The following TMTC2 variants were observed in gnomAD, a reference collection of about 807,000 sequenced individuals.
The protein encoded by TMTC2 is transmembrane O-mannosyltransferase targeting cadherins 2.
In TMTC2, 43 loss-of-function variants were observed where a neutral mutation model predicts 82.4. The observed-to-expected ratio is 0.52, with a 90% confidence interval of 0.41 to 0.67. The LOEUF (loss-of-function observed/expected upper bound fraction) is 0.67, where lower values mean the gene tolerates loss of function less well. Ranked by LOEUF, TMTC2 falls within the 30% of genes least tolerant of loss-of-function variation. The probability of loss-of-function intolerance (pLI) is 0.00; values close to 1 mark genes in which losing one functional copy is unlikely to be tolerated. For synonymous variants in TMTC2, 408 were observed against 381.9 expected, an observed-to-expected ratio of 1.07 and a Z score of -0.80; for missense variants, 919 against 1,012.4, an observed-to-expected ratio of 0.91 and a Z score of 1.25.
chr12:83,123,614 T>C (rs1182165995), intron 11 of TMTC2, among the ~76,000 whole-genome samples: 1 of 152,198 alleles, frequency 6.6e-6, no homozygotes, highest in Non-Finnish European at 1.5e-5. Context: ...ATTTTTTTCA[T>C]TTTGGTTGGT....
At chr12:83,124,210 C>T (rs139417987) in intron 11 of TMTC2, among the ~76,000 whole-genome samples, 3 of 152,316 alleles carry the variant, frequency 2.0e-5, no homozygotes, top group African/African-American at 4.8e-5. Flanking sequence ...TTGTTCACTG[C>T]GTATCCATTG....
intron 3 of TMTC2, among the ~76,000 whole-genome samples, chr12:82,910,499 G>C (rs1031058274): frequency 7.2e-5 from 11 of 152,302 alleles, no homozygotes; most frequent in Middle Eastern, 6.8e-3. Context: ...TAGGCGGCTT[G>C]TGTTAGCTCA....
intron 2 of TMTC2, among the ~76,000 whole-genome samples, chr12:82,877,313 T>G (rs532424547): frequency 5.3e-5 from 8 of 152,346 alleles, no homozygotes; most frequent in Non-Finnish European, 1.2e-4. Context: ...TAGGAGTTTC[T>G]CAAATCCTAC....
chr12:82,756,335 G>A (rs755934250), intron 1 of TMTC2, among the ~76,000 whole-genome samples: 45 of 152,178 alleles, frequency 3.0e-4, no homozygotes, highest in Non-Finnish European at 5.3e-4. Flanking sequence ...TTGATTAGCA[G>A]AGTAGCTGGG....
chr12:82,765,193 T>G (rs1390311419), intron 1 of TMTC2, among the ~76,000 whole-genome samples: 1 of 152,194 alleles, frequency 6.6e-6, no homozygotes, highest in Non-Finnish European at 1.5e-5. Context: ...GACATTTCCC[T>G]TTGGCTTAAT....
chr12:82,801,645 G>A (rs1254400870), intron 1 of TMTC2, among the ~76,000 whole-genome samples: 1 of 152,110 alleles, frequency 6.6e-6, no homozygotes, highest in African/African-American at 2.4e-5. Flanking sequence ...GCTAGACACA[G>A]AGTGCAGATT....
intron 11 of TMTC2, among the ~76,000 whole-genome samples, chr12:83,097,006 G>A (rs531540915): frequency 6.6e-5 from 10 of 152,258 alleles, no homozygotes; most frequent in African/African-American, 2.2e-4. Flanking sequence ...AGCTTAATGA[G>A]GGTAGGGTCC....
intron 11 of TMTC2, among the ~76,000 whole-genome samples, chr12:83,070,182 C>T (rs1309199729): frequency 6.6e-6 from 1 of 151,974 alleles, no homozygotes; most frequent in Non-Finnish European, 1.5e-5. Flanking sequence ...TTTTTTGGTT[C>T]CCTATGAATT....
intron 9 of TMTC2, among the ~76,000 whole-genome samples, chr12:83,034,318 A>G (rs965146364): frequency 2.0e-5 from 3 of 152,210 alleles, no homozygotes; most frequent in Non-Finnish European, 4.4e-5. Context: ...CAGAAGAAAG[A>G]GAAAGTTCAA....
At chr12:82,947,878 T>A (rs185657515) in intron 4 of TMTC2, among the ~76,000 whole-genome samples, 1 of 152,262 alleles carries the variant, frequency 6.6e-6, no homozygotes, top group East Asian at 1.9e-4. Context: ...ACCTCCATCA[T>A]TCTGTCAACG....
intron 1 of TMTC2, 109 bp downstream of exon 1, chr12:82,687,778 C>T: frequency 9.4e-7 from 1 of 1,058,558 alleles, no homozygotes; most frequent in Admixed American, 2.1e-5. Context: ...ACTGGTTCAG[C>T]ACCTGATGGT....
chr12:83,036,527 T>G (rs1881671500), intron 9 of TMTC2, among the ~76,000 whole-genome samples: 1 of 147,666 alleles, frequency 6.8e-6, no homozygotes, highest in Non-Finnish European at 1.5e-5. Context: ...GAGGTAGGAA[T>G]AGATCCTAAT....
intron 1 of TMTC2, among the ~76,000 whole-genome samples, chr12:82,725,839 AGGAAATGTTC>A (rs759145494): frequency 2.6e-5 from 4 of 152,224 alleles, no homozygotes; most frequent in African/African-American, 4.8e-5. Context: ...ATTAATAGAA[AGGAAATGTTC>A]GGATTAAGAT....
rs116042420 is a variant in TMTC2, at chr12:83,103,013, T to C, written c.2332-29197T>C. ...GATAGAATAATGTTCTGAAATGCTG[T>C]TGGGCTTTCAAGAAAGAGATAAGAA... is the stretch of plus-strand genomic sequence containing the variant. On this transcript the variant is annotated intron_variant, in intron 11 of 11. Transcript: ENST00000321196. Among the ~76,000 whole-genome samples, 503 of 152,318 alleles carry C rather than the reference T, an allele frequency of 3.3e-3. 2 individuals carry two copies. The highest frequency in any genetic ancestry group is 0.012 in the African/African-American group (480 of 41,574).
Position 83,133,850 on chromosome 12 carries a change from A to G in TMTC2, c.*1461A>G, listed in dbSNP as rs1249474051. On this transcript the variant is annotated 3_prime_UTR_variant, in exon 12 of 12. Transcript: ENST00000321196. ...TTTATTATTCTACTATAGCAGAATA[A>G]CAAAACTTGATGCATTAAGCCAGTT... is the stretch of plus-strand genomic sequence containing the variant. The G allele has an allele frequency of 6.6e-6, 1 of 152,228 alleles. No individual in the cohort carries two copies. The highest frequency in any genetic ancestry group is 6.5e-5 in the Admixed American group (1 of 15,284). 9.4% of individuals were successfully genotyped at this position (152,228 alleles called of 1,614,324 possible). A position where few individuals can be genotyped will look rare whatever the true frequency, so the allele number is the denominator to read the frequency against.
intron 2 of TMTC2, among the ~76,000 whole-genome samples, chr12:82,890,617 A>G (rs1350623540): frequency 6.6e-6 from 1 of 151,802 alleles, no homozygotes; most frequent in Admixed American, 6.6e-5. Flanking sequence ...AGAATCACCT[A>G]TGAGATTTTA....
intron 1 of TMTC2, among the ~76,000 whole-genome samples, chr12:82,785,352 A>C (rs2137014835): frequency 7.1e-6 from 1 of 141,236 alleles, no homozygotes; most frequent in South Asian, 2.3e-4. Flanking sequence ...AAAATAAACA[A>C]ACAACCCCCC....
At chr12:82,982,963 TG>T (rs1878990796) in intron 7 of TMTC2, among the ~76,000 whole-genome samples, 1 of 152,022 alleles carries the variant, frequency 6.6e-6, no homozygotes, top group Non-Finnish European at 1.5e-5. Flanking sequence ...TGGTAAGCAA[TG>T]AGATACGTTT....
intron 2 of TMTC2, among the ~76,000 whole-genome samples, chr12:82,879,145 A>T (rs1872709499): frequency 6.6e-6 from 1 of 152,060 alleles, no homozygotes; most frequent in African/African-American, 2.4e-5. Flanking sequence ...TTCCAGTGGG[A>T]GTTAATTGTC....
Sources: gnomAD v4.1 joint callset for allele counts (sites outside exome capture counted in the v4.1 genomes callset) on GRCh38, gnomAD v4.1.1 for gene constraint, MANE v1.5 for transcripts, NCBI Gene and HGNC (gene_info 2026-07-23, HGNC 2026-07-21) for gene names.